The following ZNF804A variants were observed in gnomAD, a reference collection of about 807,000 sequenced individuals.
ZNF804A encodes the protein zinc finger protein 804A.
A neutral mutation model predicts 16.5 loss-of-function variants in ZNF804A; 2 were observed. The ratio of observed to expected loss-of-function variants is 0.12; its 90% CI spans 0.05 to 0.38. ZNF804A has a LOEUF of 0.38. ZNF804A is among the 10% of genes least tolerant of loss of function. The probability of loss-of-function intolerance (pLI) is 0.99; values close to 1 mark genes in which losing one functional copy is unlikely to be tolerated. For synonymous variants in ZNF804A, 534 were observed against 489.6 expected, an observed-to-expected ratio of 1.09 and a Z score of -1.20; for missense variants, 1,473 against 1,390.7, an observed-to-expected ratio of 1.06 and a Z score of -0.94.
chr2:184,873,203 T>G (rs1019545187), intron 2 of ZNF804A, among the ~76,000 whole-genome samples: 1 of 152,108 alleles, frequency 6.6e-6, no homozygotes, highest in African/African-American at 2.4e-5. Flanking sequence ...TAGGTAAAAT[T>G]TATAGAAGTA....
chr2:184,648,537 A>G (rs1691920816), intron 1 of ZNF804A, among the ~76,000 whole-genome samples: 1 of 152,200 alleles, frequency 6.6e-6, no homozygotes, highest in Admixed American at 6.5e-5. Context: ...GTTGTCTTCA[A>G]GAGATAACAC....
chr2:184,852,228 T>TC (rs1491182460), intron 1 of ZNF804A, among the ~76,000 whole-genome samples: 8 of 97,072 alleles, frequency 8.2e-5, no homozygotes, highest in African/African-American at 2.7e-4. Flanking sequence ...ATGCGGTCTC[T>TC]TTCTCTCTCT....
At chr2:184,717,366 G>A (rs554605434) in intron 1 of ZNF804A, among the ~76,000 whole-genome samples, 4 of 151,864 alleles carry the variant, frequency 2.6e-5, no homozygotes, top group South Asian at 2.1e-4. Context: ...TGTTTTGTTG[G>A]TTTCATCAGT....
At chr2:184,604,172 T>TTTTTTTTG (rs1238225805) in intron 1 of ZNF804A, among the ~76,000 whole-genome samples, 1 of 106,372 alleles carries the variant, frequency 9.4e-6, no homozygotes, top group Non-Finnish European at 1.8e-5. Flanking sequence ...TTTTTTTTTT[T>TTTTTTTTG]TTTTTTTTTT....
At chr2:184,789,674 T>C (rs1246767731) in intron 1 of ZNF804A, among the ~76,000 whole-genome samples, 1 of 152,150 alleles carries the variant, frequency 6.6e-6, no homozygotes, top group Admixed American at 6.5e-5. Flanking sequence ...CTGGTAACAG[T>C]TGTGATATTA....
At chr2:184,651,522 A>G (rs1285724300) in intron 1 of ZNF804A, among the ~76,000 whole-genome samples, 1 of 152,176 alleles carries the variant, frequency 6.6e-6, no homozygotes, top group Non-Finnish European at 1.5e-5. Flanking sequence ...AATGGGAGAA[A>G]ATATTCACAA....
chr2:184,875,145 C>A (rs765103019), intron 2 of ZNF804A, among the ~76,000 whole-genome samples: 5 of 152,146 alleles, frequency 3.3e-5, no homozygotes, highest in Non-Finnish European at 5.9e-5. Context: ...AGATGGAAGT[C>A]TAAAGGCAAT....
chr2:184,696,438 A>G (rs1393460445), intron 1 of ZNF804A, among the ~76,000 whole-genome samples: 1 of 152,132 alleles, frequency 6.6e-6, no homozygotes, highest in East Asian at 1.9e-4. Context: ...CTGGCTTATT[A>G]TTGGGAAGTT....
intron 1 of ZNF804A, among the ~76,000 whole-genome samples, chr2:184,635,234 C>T (rs960744963): frequency 2.6e-5 from 4 of 151,994 alleles, no homozygotes; most frequent in Non-Finnish European, 5.9e-5. Flanking sequence ...AGCATTTTTC[C>T]GTATGAAACA....
intron 2 of ZNF804A, among the ~76,000 whole-genome samples, chr2:184,874,612 T>C (rs1696024516): frequency 6.6e-6 from 1 of 152,164 alleles, no homozygotes; most frequent in African/African-American, 2.4e-5. Flanking sequence ...TGTTCAGTAA[T>C]TATCAGAGTA....
intron 2 of ZNF804A, among the ~76,000 whole-genome samples, chr2:184,931,738 A>G (rs1431723762): frequency 2.6e-5 from 4 of 152,172 alleles, no homozygotes; most frequent in Non-Finnish European, 5.9e-5. Flanking sequence ...AGCCAGCTTG[A>G]ATTTCTCCTC....
At chr2:184,899,844 A>G (rs1442392609) in intron 2 of ZNF804A, among the ~76,000 whole-genome samples, 1 of 151,968 alleles carries the variant, frequency 6.6e-6, no homozygotes, top group Admixed American at 6.6e-5. Flanking sequence ...TGATATAACT[A>G]AGCATTTAGA....
intron 2 of ZNF804A, among the ~76,000 whole-genome samples, chr2:184,892,870 G>C (rs369210232): frequency 7.0e-4 from 107 of 152,002 alleles, no homozygotes; most frequent in African/African-American, 2.5e-3. Context: ...AATTCTGCCT[G>C]GTTGTATTTA....
chr2:184,686,415 G>A (rs1007678440), intron 1 of ZNF804A, among the ~76,000 whole-genome samples: 2 of 152,188 alleles, frequency 1.3e-5, no homozygotes, highest in Non-Finnish European at 1.5e-5. Context: ...TACATCATAT[G>A]TACCACACTT....
intron 1 of ZNF804A, among the ~76,000 whole-genome samples, chr2:184,846,319 A>G (rs1695516218): frequency 6.6e-6 from 1 of 152,150 alleles, no homozygotes; most frequent in Non-Finnish European, 1.5e-5. Flanking sequence ...AAACTGAGCT[A>G]GTAATACATA....
chr2:184,678,816 G>C (rs1468629813), intron 1 of ZNF804A, among the ~76,000 whole-genome samples: 2 of 152,142 alleles, frequency 1.3e-5, no homozygotes, highest in African/African-American at 4.8e-5. Flanking sequence ...TACTGAAGAG[G>C]AATAGGATGG....
intron 1 of ZNF804A, among the ~76,000 whole-genome samples, chr2:184,753,870 G>A (rs939320118): frequency 4.0e-4 from 60 of 151,750 alleles, no homozygotes; most frequent in Non-Finnish European, 4.1e-4. Flanking sequence ...CAGAGACTAG[G>A]CTTGCCAGAT....
At chr2:184,752,580 A>C (rs1213083031) in intron 1 of ZNF804A, among the ~76,000 whole-genome samples, 1 of 151,544 alleles carries the variant, frequency 6.6e-6, no homozygotes, top group Admixed American at 6.6e-5. Context: ...CCACCAGTAC[A>C]CAATATACCC....
chr2:184,779,770 A>C (rs557620067), intron 1 of ZNF804A, among the ~76,000 whole-genome samples: 21 of 151,770 alleles, frequency 1.4e-4, no homozygotes, highest in African/African-American at 5.1e-4. Context: ...ATGGAACGCA[A>C]CTCCGCAGAC....
Sources: gnomAD v4.1 joint callset for allele counts (sites outside exome capture counted in the v4.1 genomes callset) on GRCh38, gnomAD v4.1.1 for gene constraint, MANE v1.5 for transcripts, NCBI Gene and HGNC (gene_info 2026-07-23, HGNC 2026-07-21) for gene names.